CMC1: variants seen among roughly 807,000 people sequenced by gnomAD.
The protein encoded by CMC1 is COX assembly mitochondrial protein homolog.
CMC1 carries 14 observed loss-of-function variants against 14.1 expected under a neutral mutation model. The observed-to-expected ratio is 0.99, with a 90% CI of 0.66 to 1.55. The LOEUF is 1.55. CMC1 is among the 40% of genes most tolerant of loss of function. The probability of loss-of-function intolerance (pLI) is 0.00; values close to 1 mark genes in which losing one functional copy is unlikely to be tolerated. For missense variants in CMC1, 127 were observed against 123.8 expected, an observed-to-expected ratio of 1.03 and a Z score of -0.12; for synonymous variants, 50 against 38.4, an observed-to-expected ratio of 1.30 and a Z score of -1.12.
At chr3:28,247,579 C>CA (rs1244461878) in intron 1 of CMC1, among the ~76,000 whole-genome samples, 1 of 152,194 alleles carries the variant, frequency 6.6e-6, no homozygotes, top group African/African-American at 2.4e-5. Flanking sequence ...GAGAAGGTTG[C>CA]AGATGTGAAT....
chr3:28,307,506 C>CA (rs1559442028), intron 2 of CMC1, among the ~76,000 whole-genome samples: 2 of 151,910 alleles, frequency 1.3e-5, no homozygotes, highest in African/African-American at 4.8e-5. Flanking sequence ...GCCTGGGTGA[C>CA]AAGAAAAAAA....
At chr3:28,308,709 G>A (rs986758990) in intron 2 of CMC1, among the ~76,000 whole-genome samples, 1 of 152,188 alleles carries the variant, frequency 6.6e-6, no homozygotes, top group African/African-American at 2.4e-5. Context: ...TACAGGCTGA[G>A]CATGGTGGCT....
At chr3:28,296,630 T>C (rs989570179) in intron 2 of CMC1, among the ~76,000 whole-genome samples, 4 of 152,024 alleles carry the variant, frequency 2.6e-5, no homozygotes, top group Non-Finnish European at 5.9e-5. Flanking sequence ...TGTCTTATTA[T>C]TTTTATTATT....
intron 2 of CMC1, among the ~76,000 whole-genome samples, chr3:28,272,236 G>A (rs1335225605): frequency 3.3e-5 from 5 of 152,060 alleles, no homozygotes. Flanking sequence ...GATTGCCCTG[G>A]CCACAATTTC....
intron 2 of CMC1, among the ~76,000 whole-genome samples, chr3:28,273,235 A>G: frequency 6.6e-6 from 1 of 152,214 alleles, no homozygotes; most frequent in East Asian, 1.9e-4. Flanking sequence ...ACTTAGTGCT[A>G]TAAATTTCCC....
rs397823571 is a variant in CMC1 at position 28,294,990 on chromosome 3, T to TTAAAAC, written c.110-21343_110-21342insTAAAAC. Among the ~76,000 whole-genome samples, 960 of 151,904 alleles carry TTAAAAC rather than the reference T, an allele frequency of 6.3e-3. 15 individuals are homozygous for TTAAAAC. The highest frequency in any genetic ancestry group is 0.022 in the African/African-American group (917 of 41,450). On this transcript the variant is annotated intron_variant, in intron 2 of 3. Coordinates refer to ENST00000466830, the MANE Select transcript of CMC1 (RefSeq NM_182523.2). ...TGCTGATCATTATTGTTATTTTTTT[T>TTAAAAC]AAAACAAAACAAAACAATCTGTAGA...
At chr3:28,302,812 G>A (rs1339360954) in intron 2 of CMC1, among the ~76,000 whole-genome samples, 1 of 152,064 alleles carries the variant, frequency 6.6e-6, no homozygotes, top group East Asian at 1.9e-4. Flanking sequence ...ATGAACCATT[G>A]CCACTTGCTT....
intron 2 of CMC1, among the ~76,000 whole-genome samples, chr3:28,295,891 G>A (rs912301887): frequency 2.0e-5 from 3 of 151,960 alleles, no homozygotes; most frequent in Non-Finnish European, 4.4e-5. Context: ...TATTGGGGGG[G>A]AAAAACCCAT....
At position 28,312,265 on chromosome 3, in the gene CMC1, A is replaced by G. The variant is rs1049340186; in HGVS notation, c.110-4068A>G. On this transcript the variant is annotated intron_variant, in intron 2 of 3. Transcript: ENST00000466830. ...TTAAAGTACTGAAAAGTTAGGAATA[A>G]GTGCTGTGTCTAAAGACAGTTGTGA... is the stretch of plus-strand genomic sequence containing the variant. Among the ~76,000 whole-genome samples the G allele has an allele frequency of 5.3e-5, 8 of 152,346 alleles. No individual in the cohort carries two copies. The South Asian group carries it at 1.4e-3, about 28-fold the overall frequency.
chr3:28,318,817 C>G (rs1002678365), intron 3 of CMC1: 4 of 153,544 alleles, frequency 2.6e-5, no homozygotes, highest in Non-Finnish European at 5.8e-5. Flanking sequence ...CCTTGCTTGC[C>G]TCCTTTTGTC....
At chr3:28,286,452 C>T (rs982293051) in intron 2 of CMC1, among the ~76,000 whole-genome samples, 3 of 152,012 alleles carry the variant, frequency 2.0e-5, no homozygotes, top group Non-Finnish European at 4.4e-5. Context: ...TTATGCAAAA[C>T]GTTTATATTA....
At position 28,324,965 on chromosome 3, in the gene CMC1, T is replaced by A. The variant is rs953234842; in HGVS notation, c.*5336T>A. 6.6e-6 allele frequency: 1 copy of A among 150,848 alleles called. No homozygotes were observed. The highest frequency in any genetic ancestry group is 2.4e-5 in the African/African-American group (1 of 41,240). 9.3% of individuals were successfully genotyped at this position (150,848 alleles called of 1,614,324 possible). A position where few individuals can be genotyped will look rare whatever the true frequency, so the allele number is the denominator to read the frequency against. ...GTCCACAGGCAGTCCAAAAGCAAAT[T>A]TTTTAGAAATAATTGCATTTTTAAT... On this transcript the variant is annotated 3_prime_UTR_variant, in exon 4 of 4. Coordinates refer to ENST00000466830, the MANE Select transcript of CMC1 (RefSeq NM_182523.2).
intron 2 of CMC1, among the ~76,000 whole-genome samples, chr3:28,315,720 T>C (rs1416629292): frequency 6.6e-6 from 1 of 152,188 alleles, no homozygotes; most frequent in African/African-American, 2.4e-5. Context: ...TAATGGTGTA[T>C]TTTTACTGTA....
Position 28,263,453 on chromosome 3 carries a change from A to C in CMC1, c.109+73A>C, listed in dbSNP as rs574721711. The C allele has an allele frequency of 4.8e-5, 45 of 931,502 alleles. No individual in the cohort carries two copies. The African/African-American group carries it at 7.6e-4, about 16-fold the overall frequency. 57.7% of individuals were successfully genotyped at this position (931,502 alleles called of 1,614,324 possible). On this transcript the variant is annotated intron_variant, in intron 2 of 3. Coordinates refer to ENST00000466830, the MANE Select transcript of CMC1 (RefSeq NM_182523.2). The stretch of plus-strand genomic sequence containing the variant: ...TGATCTGAATTTAATCCTTAGCCCC[A>C]GAATCAAGTAGTCAATGAATTAATA...
intron 2 of CMC1, among the ~76,000 whole-genome samples, chr3:28,303,820 A>G (rs1702176270): frequency 6.6e-6 from 1 of 152,150 alleles, no homozygotes; most frequent in Non-Finnish European, 1.5e-5. Context: ...AACAAATATA[A>G]GCTAAGCAAG....
intron 1 of CMC1, among the ~76,000 whole-genome samples, chr3:28,252,426 G>A (rs1699177539): frequency 6.6e-6 from 1 of 152,138 alleles, no homozygotes; most frequent in Non-Finnish European, 1.5e-5. Flanking sequence ...GATTGTTAGT[G>A]GCTGACCTAA....
rs1239151907 is a variant in CMC1, at chr3:28,321,328, ATC to A, written c.*1701_*1702del. 6.6e-6 allele frequency: 1 copy of A among 151,450 alleles called. No homozygotes were observed. Among genetic ancestry groups the A allele is most frequent in the African/African-American group, 2.4e-5 (1 of 41,350 alleles). The allele number at this position is 151,450 out of a possible 1,614,324, so 9.4% of individuals were successfully genotyped here. A position where few individuals can be genotyped will look rare whatever the true frequency, so the allele number is the denominator to read the frequency against. On this transcript the variant is annotated 3_prime_UTR_variant, in exon 4 of 4. Transcript: ENST00000466830. ...CTTTAAGAAGCTAGTGAAATATACA[ATC>A]TATTTTATAGCTTTGATTAAAATCA...
intron 2 of CMC1, among the ~76,000 whole-genome samples, chr3:28,268,083 T>C (rs1484193600): frequency 2.6e-5 from 4 of 152,174 alleles, no homozygotes; most frequent in Non-Finnish European, 5.9e-5. Context: ...ATAGCTGTTA[T>C]ATATGAGTAT....
intron 2 of CMC1, chr3:28,292,926 G>A (rs1179467673): frequency 6.6e-6 from 1 of 152,152 alleles, no homozygotes; most frequent in Non-Finnish European, 1.5e-5. Flanking sequence ...AAATGTGAAA[G>A]TATTTTTAAC....
Sources: allele counts gnomAD v4.1 joint callset (sites outside exome capture counted in the v4.1 genomes callset), GRCh38; gene constraint gnomAD v4.1.1; transcripts MANE v1.5; gene names NCBI Gene and HGNC (gene_info 2026-07-23, HGNC 2026-07-21).